NRXN1: variants seen among roughly 807,000 people sequenced by gnomAD.
NRXN1 encodes the protein neurexin 1.
A neutral mutation model predicts 150.9 loss-of-function variants in NRXN1; 39 were observed. The ratio of observed to expected loss-of-function variants is 0.26; its 90% CI spans 0.20 to 0.34. The LOEUF (loss-of-function observed/expected upper bound fraction) is 0.34. NRXN1 is among the 10% of genes least tolerant of loss of function. The probability of loss-of-function intolerance (pLI) is 1.00; values close to 1 mark genes in which losing one functional copy is unlikely to be tolerated. For synonymous variants in NRXN1, 924 were observed against 757.0 expected (o/e 1.22, Z -3.62); for missense variants, 1,815 against 1,949.9 (o/e 0.93, Z 1.30).
intron 8 of NRXN1, among the ~76,000 whole-genome samples, chr2:50,563,656 A>G (rs1669443807): frequency 1.3e-5 from 2 of 152,210 alleles, no homozygotes; most frequent in African/African-American, 4.8e-5. Flanking sequence ...TCAACAGTGG[A>G]CAAGATGGAA....
At chr2:50,543,721 A>C (rs977909611) in intron 9 of NRXN1, among the ~76,000 whole-genome samples, 1 of 152,160 alleles carries the variant, frequency 6.6e-6, no homozygotes, top group Non-Finnish European at 1.5e-5. Flanking sequence ...AGTTTCCATT[A>C]ACTTTTCTAT....
rs540377005 is a variant in NRXN1, at chr2:50,071,671, C to A, written c.3719-16627G>T. ...AATTTCTCTCATTTAAGCTACCACTCTGTGGTATTTTGCTATGGCAGTCCT... is the reference window on the plus strand; with the variant it reads ...AATTTCTCTCATTTAAGCTACCACTATGTGGTATTTTGCTATGGCAGTCCT... On this transcript the variant is annotated intron_variant, in intron 19 of 22. Coordinates refer to ENST00000401669, the MANE Select transcript of NRXN1 (RefSeq NM_001330078.2). Among the ~76,000 whole-genome samples the A allele has an allele frequency of 2.6e-5, 4 of 152,300 alleles. No individual in the cohort carries two copies. The South Asian group carries it at 8.3e-4, about 32-fold the overall frequency.
intron 17 of NRXN1, among the ~76,000 whole-genome samples, chr2:50,424,519 G>A (rs1291981665): frequency 1.3e-5 from 2 of 152,052 alleles, no homozygotes; most frequent in Non-Finnish European, 2.9e-5. Context: ...GTAAATGACA[G>A]GGAGAATATG....
chr2:49,995,408 C>A (rs563647189), intron 21 of NRXN1, among the ~76,000 whole-genome samples: 14 of 152,228 alleles, frequency 9.2e-5, no homozygotes, highest in African/African-American at 3.1e-4. Context: ...GAGAGAAAAT[C>A]TTGAAAATGT....
intron 17 of NRXN1, among the ~76,000 whole-genome samples, chr2:50,356,993 G>A (rs2078863310): frequency 6.6e-6 from 1 of 152,056 alleles, no homozygotes; most frequent in African/African-American, 2.4e-5. Context: ...CTTAAATGAT[G>A]AAAACTGGGC....
chr2:50,562,118 A>G (rs890467178), intron 8 of NRXN1, among the ~76,000 whole-genome samples: 1 of 152,180 alleles, frequency 6.6e-6, no homozygotes, highest in African/African-American at 2.4e-5. Flanking sequence ...TGAACTGATA[A>G]TAACAAAATA....
chr2:50,622,616 C>T (rs1680231009), intron 6 of NRXN1, among the ~76,000 whole-genome samples: 1 of 151,982 alleles, frequency 6.6e-6, no homozygotes, highest in African/African-American at 2.4e-5. Flanking sequence ...ATATGTAGAC[C>T]CACAGATTTA....
At chr2:50,951,606 A>C (rs975486220) in intron 2 of NRXN1, among the ~76,000 whole-genome samples, 1 of 152,102 alleles carries the variant, frequency 6.6e-6, no homozygotes, top group African/African-American at 2.4e-5. Context: ...ATTTCAAAAA[A>C]AAATGTCACC....
intron 17 of NRXN1, among the ~76,000 whole-genome samples, chr2:50,251,803 T>C (rs1249328990): frequency 6.6e-6 from 1 of 152,190 alleles, no homozygotes; most frequent in Non-Finnish European, 1.5e-5. Context: ...CGTTTTTTCA[T>C]ATGATTGTTG....
rs567608693 is a variant in NRXN1 at position 50,147,414 on chromosome 2, A to C, written c.3547-55920T>G. ...GGTATTTGTGAATAACTAAAAATTTAGATAATTGCATTTGAAAATACCATA... is the reference window on the plus strand; with the variant it reads ...GGTATTTGTGAATAACTAAAAATTTCGATAATTGCATTTGAAAATACCATA... On this transcript the variant is annotated intron_variant, in intron 18 of 22. Transcript: ENST00000401669. 3.7e-4 allele frequency among the ~76,000 whole-genome samples: 56 copies of C among 151,882 alleles called. 1 individual carries two copies. The South Asian group carries it at 0.012, about 31-fold the overall frequency.
chr2:50,913,831 A>T (rs1684854724), intron 5 of NRXN1, among the ~76,000 whole-genome samples: 1 of 151,700 alleles, frequency 6.6e-6, no homozygotes, highest in Admixed American at 6.6e-5. Context: ...AATGCAAAAG[A>T]ATACATCCCG....
chr2:50,095,223 T>G (rs1700066269), intron 18 of NRXN1, among the ~76,000 whole-genome samples: 1 of 152,318 alleles, frequency 6.6e-6, no homozygotes, highest in African/African-American at 2.4e-5. Flanking sequence ...ACGGATGACC[T>G]TTTTACTATC....
intron 18 of NRXN1, among the ~76,000 whole-genome samples, chr2:50,156,831 T>G (rs1558992945): frequency 6.6e-6 from 1 of 151,974 alleles, no homozygotes; most frequent in Non-Finnish European, 1.5e-5. Context: ...TTGGTTTGAA[T>G]TACCTGCAAC....
intron 21 of NRXN1, among the ~76,000 whole-genome samples, chr2:50,027,072 CG>C (rs1688451319): frequency 6.6e-6 from 1 of 151,294 alleles, no homozygotes; most frequent in East Asian, 2.0e-4. Flanking sequence ...TTAGTAGAGA[CG>C]GGGTTTCACC....
At chr2:51,001,334 G>A (rs1700049629) in intron 2 of NRXN1, among the ~76,000 whole-genome samples, 1 of 151,576 alleles carries the variant, frequency 6.6e-6, no homozygotes, top group Middle Eastern at 3.4e-3. Flanking sequence ...AAGCAAGCCA[G>A]AGCAAAAAAT....
intron 8 of NRXN1, among the ~76,000 whole-genome samples, chr2:50,595,537 T>C (rs774219431): frequency 2.0e-5 from 3 of 152,256 alleles, no homozygotes; most frequent in Admixed American, 6.5e-5. Flanking sequence ...GTAACATTTA[T>C]AGCATTGCAA....
chr2:50,475,336 GT>G (rs2104734949), intron 15 of NRXN1, among the ~76,000 whole-genome samples: 1 of 152,196 alleles, frequency 6.6e-6, no homozygotes, highest in Non-Finnish European at 1.5e-5. Flanking sequence ...TCTAAGCACG[GT>G]TGGCCCTCAA....
chr2:50,477,437 C>T (rs112116016), intron 15 of NRXN1, among the ~76,000 whole-genome samples: 10 of 152,048 alleles, frequency 6.6e-5, no homozygotes, highest in South Asian at 4.1e-4. Context: ...CCTTAGGGAA[C>T]GGAGGTTGGA....
In NRXN1 at chr2:50,207,905, G is replaced by C. The variant is rs143639296; in HGVS notation, c.3546+28884C>G. 2.1e-4 allele frequency among the ~76,000 whole-genome samples: 32 copies of C among 152,110 alleles called. No homozygotes were observed. In the East Asian group the frequency reaches 4.9e-3, roughly 23 times the overall value. ...TTGTTGTTTCCATGTAGAGTAGGAG[G>C]GACACAAGCCTAGGTTGGTATATGG... On this transcript the variant is annotated intron_variant, in intron 18 of 22. Coordinates refer to ENST00000401669, the MANE Select transcript of NRXN1 (RefSeq NM_001330078.2).
Sources: gnomAD v4.1 joint callset for allele counts (sites outside exome capture counted in the v4.1 genomes callset) on GRCh38, gnomAD v4.1.1 for gene constraint, MANE v1.5 for transcripts, NCBI Gene and HGNC (gene_info 2026-07-23, HGNC 2026-07-21) for gene names.